AKT2: variants seen among roughly 807,000 people sequenced by gnomAD.
The protein encoded by AKT2 is RAC-beta serine/threonine-protein kinase.
Under a neutral mutation model 58.6 loss-of-function variants are expected in AKT2, and 16 were observed. The observed-to-expected ratio is 0.27, with a 90% CI of 0.18 to 0.41. The LOEUF (loss-of-function observed/expected upper bound fraction) is 0.41, where lower values mean the gene tolerates loss of function less well. Among genes scored for constraint, AKT2 ranks in the 10% least tolerant of loss-of-function variants. The pLI, the probability that AKT2 is intolerant of heterozygous loss-of-function variation, is 1.00. For synonymous variants in AKT2, 253 were observed against 254.0 expected, an observed-to-expected ratio of 1.00 and a Z score of 0.04; for missense variants, 438 against 661.0, an observed-to-expected ratio of 0.66 and a Z score of 3.70.
At chr19:40,280,449 C>T (rs1178510748) in intron 1 of AKT2, among the ~76,000 whole-genome samples, 2 of 152,150 alleles carry the variant, frequency 1.3e-5, no homozygotes, top group African/African-American at 2.4e-5. Context: ...CGCCCTGCTC[C>T]GCTCAGTCAA....
chr19:40,276,005 C>T (rs868306654), intron 1 of AKT2, among the ~76,000 whole-genome samples: 2 of 149,842 alleles, frequency 1.3e-5, no homozygotes, highest in African/African-American at 2.5e-5. Context: ...GAGCAAGACT[C>T]CGTCTCAAAA....
At chr19:40,275,941 G>C (rs1250659585) in intron 1 of AKT2, among the ~76,000 whole-genome samples, 1 of 151,572 alleles carries the variant, frequency 6.6e-6, no homozygotes, top group African/African-American at 2.4e-5. Context: ...GAACCCGGGA[G>C]GCGGCGGTTG....
Position 40,239,162 on chromosome 19 carries a change from C to T in AKT2, c.640-189G>A, listed in dbSNP as rs368459313. The T allele has an allele frequency of 8.2e-4, 479 of 584,058 alleles. 6 individuals carry two copies. In the South Asian group the frequency reaches 9.9e-3, roughly 12 times the overall value. 36.2% of individuals were successfully genotyped at this position (584,058 alleles called of 1,614,324 possible). A position where few individuals can be genotyped will look rare whatever the true frequency, so the allele number is the denominator to read the frequency against. Reference sequence around the variant, plus strand: ...TGGGGCATTAAGTGAAGGCATGGCTCTGCGGTAGGAAAGGGTTACATGCTG... The same window carrying T: ...TGGGGCATTAAGTGAAGGCATGGCTTTGCGGTAGGAAAGGGTTACATGCTG... On this transcript the variant is annotated intron_variant, in intron 7 of 13. Coordinates refer to ENST00000392038, the MANE Select transcript of AKT2 (RefSeq NM_001626.6).
Position 40,242,359 on chromosome 19 carries a change from C to CG in AKT2, c.441+174dup, listed in dbSNP as rs1974465973. On this transcript the variant is annotated intron_variant, in intron 5 of 13. Transcript: ENST00000392038. This position sits in a 1 kb window ranked among gnomAD's most constrained non-coding sequence, Gnocchi z 4.3. ...CCACCCAAGGTTGCTCCCTCCCCTA[C>CG]GGGCATGGAGCACACCCTAGGGCAC... The CG allele has an allele frequency of 2.8e-6, 3 of 1,071,924 alleles. No individual in the cohort carries two copies. The highest frequency in any genetic ancestry group is 4.2e-6 in the Non-Finnish European group (3 of 716,352). 66.4% of individuals were successfully genotyped at this position (1,071,924 alleles called of 1,614,324 possible).
At chr19:40,243,040 G>A (rs1974508326) in intron 4 of AKT2, 5 of 320,920 alleles carry the variant, frequency 1.6e-5, no homozygotes, top group South Asian at 1.4e-4. Flanking sequence ...TACTCAGGAG[G>A]CTGAGGCAGG....
intron 2 of AKT2, among the ~76,000 whole-genome samples, chr19:40,262,351 C>T (rs909699896): frequency 1.1e-4 from 17 of 152,134 alleles, no homozygotes; most frequent in Admixed American, 3.9e-4. Context: ...TATTAGTTTG[C>T]CCAACCTTCC....
intron 1 of AKT2, among the ~76,000 whole-genome samples, chr19:40,271,263 A>G (rs2077210218): frequency 7.0e-6 from 1 of 143,180 alleles, no homozygotes; most frequent in South Asian, 2.2e-4. Context: ...GTATATATAC[A>G]TATATATATA....
intron 1 of AKT2, among the ~76,000 whole-genome samples, chr19:40,281,067 AG>A (rs946991134): frequency 1.5e-4 from 23 of 152,296 alleles, no homozygotes; most frequent in African/African-American, 5.5e-4. Context: ...CAATACCCTT[AG>A]GATCCATCCT....
intron 2 of AKT2, among the ~76,000 whole-genome samples, chr19:40,264,829 T>C (rs945264756): frequency 1.3e-5 from 2 of 151,962 alleles, no homozygotes; most frequent in Admixed American, 1.3e-4. Flanking sequence ...CCCACTGGAA[T>C]GTAAGCTCCA....
rs149140713 is a variant in AKT2 at position 40,235,242 on chromosome 19, G to C, written c.1263+21C>G. The C allele has an allele frequency of 1.9e-6, 3 of 1,613,916 alleles. No individual in the cohort carries two copies. Among genetic ancestry groups the C allele is most frequent in the Non-Finnish European group, 2.5e-6 (3 of 1,179,974 alleles). On this transcript the variant is annotated intron_variant, in intron 12 of 13. Transcript: ENST00000392038. This position sits in a 1 kb window ranked among gnomAD's most constrained non-coding sequence, Gnocchi z 6.3. ...GGGCCAGGTCCCTGAGGGTCCTGCT[G>C]GGGCAAGCAGTGGGGCTCACCTTCT...
At chr19:40,265,793 A>T (rs1195552485) in intron 1 of AKT2, among the ~76,000 whole-genome samples, 1 of 151,866 alleles carries the variant, frequency 6.6e-6, no homozygotes, top group African/African-American at 2.4e-5. Context: ...TCCCTCCACC[A>T]TCTTACACAC....
At chr19:40,250,813 G>A (rs1260504329) in intron 4 of AKT2, among the ~76,000 whole-genome samples, 1 of 152,114 alleles carries the variant, frequency 6.6e-6, no homozygotes, top group Non-Finnish European at 1.5e-5. Context: ...GGGCAACAGA[G>A]ACCCCATCAA....
Position 40,235,122 on chromosome 19 carries a change from A to C in AKT2, c.1289T>G (p.Val430Gly), listed in dbSNP as rs1973934515. ...GTACCTTGTGTCGACCTCGGACGTGACCTGAGGTTTGAAGGGTGGCAGGAG... is the reference window on the plus strand; with the variant it reads ...GTACCTTGTGTCGACCTCGGACGTGCCCTGAGGTTTGAAGGGTGGCAGGAG... ...KKLLPPFKPQ[V>G]TSEVDTRYFD... The change falls in exon 13 of 14, where the codon GTC becomes GGC. Residue 430 changes from valine to glycine, a missense_variant. Val to Gly is a moderately radical substitution (Grantham distance 109). Coordinates refer to ENST00000392038, the MANE Select transcript of AKT2 (RefSeq NM_001626.6). This position sits in a 1 kb window ranked among gnomAD's most constrained non-coding sequence, Gnocchi z 6.3. 6.2e-7 allele frequency: 1 copy of C among 1,613,906 alleles called. No homozygotes were observed. Among genetic ancestry groups the C allele is most frequent in the Non-Finnish European group, 8.5e-7 (1 of 1,179,946 alleles).
chr19:40,231,712 G>A lies in AKT2; in HGVS notation c.*2160C>T, dbSNP rs1008709204. On this transcript the variant is annotated 3_prime_UTR_variant, in exon 14 of 14. Coordinates refer to ENST00000392038, the MANE Select transcript of AKT2 (RefSeq NM_001626.6). ...CCGGCCATGCAGCCACGTGACTCAA[G>A]CACGGGAAGTGCAGGGGCCCAGACA... The A allele has an allele frequency of 2.1e-4, 48 of 233,490 alleles. No individual in the cohort carries two copies. The highest frequency in any genetic ancestry group is 1.0e-3 in the African/African-American group (46 of 45,482). The allele number at this position is 233,490 out of a possible 1,614,324, so 14.5% of individuals were successfully genotyped here. A position where few individuals can be genotyped will look rare whatever the true frequency, so the allele number is the denominator to read the frequency against.
chr19:40,273,529 A>G (rs1350725511), intron 1 of AKT2: 1 of 146,244 alleles, frequency 6.8e-6, no homozygotes, highest in East Asian at 2.0e-4. Flanking sequence ...AAAAAGAGAG[A>G]GACTTTTTGT....
At chr19:40,255,624 T>A (rs911353490) in intron 3 of AKT2, among the ~76,000 whole-genome samples, 1 of 151,928 alleles carries the variant, frequency 6.6e-6, no homozygotes. Context: ...AAAGGGAACT[T>A]AGAGGGTACA....
intron 1 of AKT2, among the ~76,000 whole-genome samples, chr19:40,276,719 A>C (rs972101264): frequency 1.3e-5 from 2 of 151,938 alleles, no homozygotes; most frequent in Non-Finnish European, 2.9e-5. Context: ...GTTATCTCAA[A>C]AGATAATTTT....
rs747803532 is a variant in AKT2 at position 40,255,249 on chromosome 19, C to T, written c.196G>A (p.Glu66Lys). The T allele has an allele frequency of 1.2e-6, 2 of 1,613,850 alleles. No homozygotes were observed. The highest frequency in any genetic ancestry group is 1.7e-6 in the Non-Finnish European group (2 of 1,179,884). Residue 66 changes from glutamate (E) to lysine (K), a missense_variant, in exon 4 of 14, where the codon GAG (glutamate) becomes AAG (lysine). Around this residue, in one of 3 missense-constraint regions of AKT2, gnomAD observed 244 missense variants for 347.1 expected, o/e 0.70. Coordinates refer to ENST00000392038, the MANE Select transcript of AKT2 (RefSeq NM_001626.6). The part of the protein sequence containing the change: ...SVAECQLMKT[E>K]RPRPNTFVIR... ...ACAAAGGTGTTGGGTCGCGGCCTCT[C>T]GGTCTTCATCAGCTGGCATTCTGCA...
rs535027501 is a variant in AKT2, at chr19:40,237,705, C to A, written c.831+264G>T. 1 of 482,432 alleles carries A rather than the reference C, an allele frequency of 2.1e-6. No homozygotes were observed. The highest frequency in any genetic ancestry group is 3.3e-5 in the Admixed American group (1 of 30,422). The allele number at this position is 482,432 out of a possible 1,614,324, so 29.9% of individuals were successfully genotyped here. A position where few individuals can be genotyped will look rare whatever the true frequency, so the allele number is the denominator to read the frequency against. On this transcript the variant is annotated intron_variant, in intron 9 of 13. Coordinates refer to ENST00000392038, the MANE Select transcript of AKT2 (RefSeq NM_001626.6). The surrounding 1 kb of genome is among the most constrained non-coding windows in gnomAD (Gnocchi z 4.5). ...TGACACTCCGCTAGTGGCCTAGGAGCGCTCATGGGAGGCTTGGGAAGGTCC... is the reference window on the plus strand; with the variant it reads ...TGACACTCCGCTAGTGGCCTAGGAGAGCTCATGGGAGGCTTGGGAAGGTCC...
Sources: gnomAD v4.1 joint callset for allele counts (sites outside exome capture counted in the v4.1 genomes callset) on GRCh38, gnomAD v4.1.1 for gene constraint, gnomAD v4.1.1 regional missense constraint, Gnocchi (gnomAD v3.1) non-coding constraint, MANE v1.5 for transcripts, NCBI Gene and HGNC (gene_info 2026-07-23, HGNC 2026-07-21) for gene names.